Variants in LAMA2 observed in about 807,000 individuals in gnomAD.
The protein encoded by LAMA2 is laminin subunit alpha 2.
LAMA2 carries 269 observed loss-of-function variants against 364.8 expected under a neutral mutation model. That is an observed-to-expected ratio of 0.74 (90% CI 0.67 to 0.82). The LOEUF (loss-of-function observed/expected upper bound fraction) is 0.82. Ranked by LOEUF, LAMA2 falls within the 40% of genes least tolerant of loss-of-function variation. The pLI is 0.00. For missense variants in LAMA2, 3,807 were observed against 3,873.2 expected (o/e 0.98, Z 0.45); for synonymous variants, 1,379 against 1,370.6 (o/e 1.01, Z -0.14).
chr6:129,409,265 A>G (rs1204301076), intron 40 of LAMA2, among the ~76,000 whole-genome samples: 3 of 152,172 alleles, frequency 2.0e-5, no homozygotes, highest in Admixed American at 2.0e-4. Context: ...ATCATCTGTG[A>G]ACCAGGCCCT....
In LAMA2 at chr6:129,205,507, C is replaced by T. The variant is rs1370351984; in HGVS notation, c.1782+12654C>T. On this transcript the variant is annotated intron_variant, in intron 12 of 64. Coordinates refer to ENST00000421865, the MANE Select transcript of LAMA2 (RefSeq NM_000426.4). ...ATATATATATATACACACACACACA[C>T]ACACACACACACACACACACACACA... Among the ~76,000 whole-genome samples, 141 of 94,554 alleles carry T rather than the reference C, an allele frequency of 1.5e-3. 3 individuals are homozygous for T. Among genetic ancestry groups the T allele is most frequent in the African/African-American group, 9.5e-3 (104 of 10,918 alleles). The allele number at this position is 94,554 out of a possible 152,430, so 62.0% of individuals were successfully genotyped here.
intron 44 of LAMA2, among the ~76,000 whole-genome samples, chr6:129,444,719 T>TATAC (rs1255521119): frequency 1.3e-5 from 2 of 152,352 alleles, no homozygotes; most frequent in East Asian, 3.9e-4. Context: ...AGTGGTTGTA[T>TATAC]GTCAGCCGCA....
rs549833284 is a variant in LAMA2 at position 129,271,809 on chromosome 6, A to G, written c.2450+1058A>G. On this transcript the variant is annotated intron_variant, in intron 17 of 64. Coordinates refer to ENST00000421865, the MANE Select transcript of LAMA2 (RefSeq NM_000426.4). ...AAATTTTCAATGATCTTTAAGGGAA[A>G]TCTGTCAGCTATAGTCTTTTAATGT... is the stretch of plus-strand genomic sequence containing the variant. Among the ~76,000 whole-genome samples, 4 of 152,254 alleles carry G rather than the reference A, an allele frequency of 2.6e-5. No homozygotes were observed. In the South Asian group the frequency reaches 8.3e-4, roughly 32 times the overall value.
chr6:129,163,423 C>T (rs1316516590), intron 8 of LAMA2, among the ~76,000 whole-genome samples: 3 of 152,132 alleles, frequency 2.0e-5, no homozygotes, highest in African/African-American at 7.2e-5. Context: ...CGCTTGCGGT[C>T]AGGAGTTTAA....
At chr6:129,272,202 A>T (rs1407641902) in intron 17 of LAMA2, among the ~76,000 whole-genome samples, 1 of 152,176 alleles carries the variant, frequency 6.6e-6, no homozygotes, top group African/African-American at 2.4e-5. Context: ...AGATTAAGAA[A>T]TGAAGGCCAT....
chr6:129,375,753 C>A (rs1195167825), intron 34 of LAMA2, among the ~76,000 whole-genome samples: 1 of 152,204 alleles, frequency 6.6e-6, no homozygotes, highest in Non-Finnish European at 1.5e-5. Context: ...ATTCATAAAT[C>A]TATATTTTCA....
At chr6:129,406,645 A>G (rs1780262543) in intron 40 of LAMA2, among the ~76,000 whole-genome samples, 2 of 152,346 alleles carry the variant, frequency 1.3e-5, no homozygotes, top group Non-Finnish European at 2.9e-5. Context: ...ACAGAGAATT[A>G]GATGTTTTTA....
At chr6:128,902,007 A>C (rs1777115424) in intron 1 of LAMA2, among the ~76,000 whole-genome samples, 1 of 152,218 alleles carries the variant, frequency 6.6e-6, no homozygotes, top group Non-Finnish European at 1.5e-5. Context: ...GGAAACTTAC[A>C]ATCATGACAG....
At chr6:129,089,091 C>A (rs770873722) in intron 3 of LAMA2, among the ~76,000 whole-genome samples, 9 of 152,262 alleles carry the variant, frequency 5.9e-5, no homozygotes, top group Non-Finnish European at 1.2e-4. Flanking sequence ...GCTGGCAGAT[C>A]ACTCGCGGTT....
Position 129,353,420 on chromosome 6 carries a change from A to G in LAMA2, c.4717+63A>G, listed in dbSNP as rs549205949. ...TGATTCCAGTTCTGTCTCATTTCCA[A>G]TGAGAAAGAGTGACTCTCCCCGCCC... On this transcript the variant is annotated intron_variant, in intron 32 of 64. Transcript: ENST00000421865. 1.1e-5 allele frequency: 15 copies of G among 1,406,232 alleles called. No homozygotes were observed. The South Asian group carries it at 1.6e-4, about 15-fold the overall frequency. The allele number at this position is 1,406,232 out of a possible 1,614,324, so 87.1% of individuals were successfully genotyped here.
intron 37 of LAMA2, among the ~76,000 whole-genome samples, chr6:129,393,630 C>T (rs2437098): frequency 0.4 from 61,222 of 151,626 alleles, 14,647 homozygotes; most frequent in Non-Finnish European, 0.54. Flanking sequence ...GCATCAGTTC[C>T]CCAAATCTAC....
chr6:129,098,082 A>C (rs955842368), intron 3 of LAMA2, 91 bp from the exon 4 acceptor site: 2 of 1,321,176 alleles, frequency 1.5e-6, no homozygotes, highest in Non-Finnish European at 2.2e-6. Flanking sequence ...ATCTGAAATA[A>C]AATCTACTGT....
At chr6:129,302,287 CATTT>C in intron 22 of LAMA2, among the ~76,000 whole-genome samples, 1 of 152,082 alleles carries the variant, frequency 6.6e-6, no homozygotes, top group South Asian at 2.1e-4. Flanking sequence ...GGAATCCTTT[CATTT>C]ATTTATTTGT....
chr6:129,330,271 A>T (rs1008880412), intron 29 of LAMA2, among the ~76,000 whole-genome samples: 1 of 152,118 alleles, frequency 6.6e-6, no homozygotes, highest in Non-Finnish European at 1.5e-5. Flanking sequence ...ATCCTAGTCC[A>T]TGGAAAAATT....
chr6:129,450,323 G>C (rs2114783596), intron 45 of LAMA2, among the ~76,000 whole-genome samples: 1 of 150,882 alleles, frequency 6.6e-6, no homozygotes, highest in East Asian at 2.0e-4. Context: ...GTTTTGTTTT[G>C]TTTTGTTTTG....
At chr6:129,438,195 A>G (rs1781929083) in intron 41 of LAMA2, among the ~76,000 whole-genome samples, 1 of 151,788 alleles carries the variant, frequency 6.6e-6, no homozygotes, top group Admixed American at 6.6e-5. Context: ...AACAAATATT[A>G]TTATACTGAA....
chr6:129,363,859 G>C (rs1471421185), intron 32 of LAMA2, among the ~76,000 whole-genome samples: 1 of 152,190 alleles, frequency 6.6e-6, no homozygotes, highest in Non-Finnish European at 1.5e-5. Flanking sequence ...TCTATGTTGT[G>C]TTTTCTCTAA....
At chr6:129,203,818 A>G (rs1317331103) in intron 12 of LAMA2, among the ~76,000 whole-genome samples, 1 of 152,120 alleles carries the variant, frequency 6.6e-6, no homozygotes, top group Non-Finnish European at 1.5e-5. Flanking sequence ...GTGATCTTGG[A>G]CATATCCCTT....
intron 30 of LAMA2, among the ~76,000 whole-genome samples, chr6:129,344,442 G>T (rs144653395): frequency 1.3e-5 from 2 of 152,256 alleles, no homozygotes; most frequent in African/African-American, 4.8e-5. Context: ...CTGAAATGGA[G>T]AAACCAGGAG....
Sources: gnomAD v4.1 joint callset for allele counts (sites outside exome capture counted in the v4.1 genomes callset) on GRCh38, gnomAD v4.1.1 for gene constraint, MANE v1.5 for transcripts, NCBI Gene and HGNC (gene_info 2026-07-23, HGNC 2026-07-21) for gene names.